The following CCSER1 variants were observed in gnomAD, a reference collection of about 807,000 sequenced individuals.
CCSER1 encodes the protein serine-rich coiled-coil domain-containing protein 1.
Under a neutral mutation model 82.0 loss-of-function variants are expected in CCSER1, and 41 were observed. The observed-to-expected ratio is 0.50, with a 90% CI of 0.39 to 0.65. CCSER1 has a LOEUF of 0.65. CCSER1 is among the 30% of genes least tolerant of loss of function. The probability of loss-of-function intolerance (pLI) is 0.00; values close to 1 mark genes in which losing one functional copy is unlikely to be tolerated. For synonymous variants in CCSER1, 414 were observed against 383.9 expected, an observed-to-expected ratio of 1.08 and a Z score of -0.92; for missense variants, 1,119 against 1,064.2, an observed-to-expected ratio of 1.05 and a Z score of -0.72.
chr4:90,558,971 G>A (rs1194535976), intron 5 of CCSER1, among the ~76,000 whole-genome samples: 2 of 152,112 alleles, frequency 1.3e-5, no homozygotes, highest in African/African-American at 4.8e-5. Flanking sequence ...AAAAACAAAT[G>A]TAGACAAGGT....
chr4:91,055,614 A>G (rs1007374272), intron 9 of CCSER1, among the ~76,000 whole-genome samples: 13 of 152,156 alleles, frequency 8.5e-5, no homozygotes, highest in Middle Eastern at 3.4e-3. Context: ...ATGTGTCTCA[A>G]TGTGTGCTTG....
At chr4:91,375,861 G>T (rs1484343364) in intron 10 of CCSER1, among the ~76,000 whole-genome samples, 3 of 151,788 alleles carry the variant, frequency 2.0e-5, no homozygotes, top group Non-Finnish European at 4.4e-5. Flanking sequence ...TAGAATTTTA[G>T]TATTTGATAA....
intron 9 of CCSER1, among the ~76,000 whole-genome samples, chr4:90,995,106 A>G (rs1339511657): frequency 6.6e-6 from 1 of 152,156 alleles, no homozygotes; most frequent in Non-Finnish European, 1.5e-5. Flanking sequence ...CATGAGGTAA[A>G]TGAATATTTA....
intron 1 of CCSER1, among the ~76,000 whole-genome samples, chr4:90,232,021 C>T (rs1744675804): frequency 2.0e-5 from 3 of 152,188 alleles, no homozygotes; most frequent in South Asian, 4.2e-4. Flanking sequence ...TAGGAAGAAT[C>T]AATATCTTGA....
chr4:90,403,120 G>A (rs894864374), intron 4 of CCSER1, among the ~76,000 whole-genome samples: 3 of 149,196 alleles, frequency 2.0e-5, no homozygotes, highest in East Asian at 1.9e-4. Context: ...CAGCAAACAC[G>A]TTTATATACT....
chr4:91,375,681 T>C (rs1750364781), intron 10 of CCSER1, among the ~76,000 whole-genome samples: 1 of 152,130 alleles, frequency 6.6e-6, no homozygotes, highest in African/African-American at 2.4e-5. Context: ...AAAGAATCCC[T>C]TTTACTTTAG....
chr4:91,068,316 G>T (rs1721055518), intron 9 of CCSER1, among the ~76,000 whole-genome samples: 1 of 152,162 alleles, frequency 6.6e-6, no homozygotes, highest in Admixed American at 6.5e-5. Context: ...TTAAGTTACA[G>T]TATGAGACAC....
intron 10 of CCSER1, among the ~76,000 whole-genome samples, chr4:91,412,624 G>A (rs973390740): frequency 5.9e-5 from 9 of 151,936 alleles, no homozygotes; most frequent in South Asian, 4.2e-4. Context: ...TAGACTCTGC[G>A]GCAGATTCAA....
intron 10 of CCSER1, among the ~76,000 whole-genome samples, chr4:91,178,796 G>A (rs907934733): frequency 2.6e-5 from 4 of 151,638 alleles, no homozygotes; most frequent in African/African-American, 9.7e-5. Flanking sequence ...AGGGCATTTA[G>A]TCCATTTAAG....
chr4:90,202,642 C>T (rs1300592327), intron 1 of CCSER1, among the ~76,000 whole-genome samples: 4 of 152,164 alleles, frequency 2.6e-5, no homozygotes, highest in African/African-American at 9.7e-5. Context: ...TGCTCTAATG[C>T]ATTTTGTATT....
chr4:90,756,317 TC>T (rs537386847), intron 7 of CCSER1, among the ~76,000 whole-genome samples: 1 of 152,308 alleles, frequency 6.6e-6, no homozygotes, highest in African/African-American at 2.4e-5. Context: ...AAATATCATC[TC>T]TATGGTTTGT....
intron 4 of CCSER1, among the ~76,000 whole-genome samples, chr4:90,422,632 C>T (rs1361033558): frequency 2.6e-5 from 4 of 151,758 alleles, no homozygotes; most frequent in Admixed American, 1.3e-4. Flanking sequence ...GTCATAGAGA[C>T]CCTGTTTCGA....
At chr4:91,480,655 A>T (rs17217008) in intron 10 of CCSER1, among the ~76,000 whole-genome samples, 16,679 of 152,290 alleles carry the variant, frequency 0.11, 1,037 homozygotes, top group Middle Eastern at 0.2. Context: ...TCCAAAGTAT[A>T]ACCGAGTAGC....
rs986055519 is a variant in CCSER1, at chr4:90,957,777, C to T, written c.2172+34330C>T. Among the ~76,000 whole-genome samples the T allele has an allele frequency of 6.7e-5, 10 of 149,300 alleles. No homozygotes were observed. The East Asian group carries it at 2.0e-3, about 29-fold the overall frequency. On this transcript the variant is annotated intron_variant, in intron 9 of 10. Transcript: ENST00000509176. ...GATTTGGATTTTTAAACTGAAATTTCCCCTGATGGAGAACGCTTGTTTATG... is the reference window on the plus strand; with the variant it reads ...GATTTGGATTTTTAAACTGAAATTTTCCCTGATGGAGAACGCTTGTTTATG...
chr4:91,008,733 T>G (rs1253608481), intron 9 of CCSER1, among the ~76,000 whole-genome samples: 1 of 152,246 alleles, frequency 6.6e-6, no homozygotes, highest in Non-Finnish European at 1.5e-5. Flanking sequence ...GAGTTACTAC[T>G]GATGTTACCG....
intron 5 of CCSER1, among the ~76,000 whole-genome samples, chr4:90,567,268 G>A (rs1046915577): frequency 1.3e-5 from 2 of 148,162 alleles, no homozygotes; most frequent in African/African-American, 5.0e-5. Flanking sequence ...TTTCCCATAG[G>A]TTTTGATATG....
At chr4:90,135,843 G>C (rs1211465382) in intron 1 of CCSER1, among the ~76,000 whole-genome samples, 2 of 152,102 alleles carry the variant, frequency 1.3e-5, no homozygotes, top group Non-Finnish European at 2.9e-5. Context: ...CCTCTTATTG[G>C]TATTATCTTA....
intron 10 of CCSER1, among the ~76,000 whole-genome samples, chr4:91,390,211 T>G (rs928711196): frequency 6.6e-6 from 1 of 151,994 alleles, no homozygotes; most frequent in Admixed American, 6.6e-5. Flanking sequence ...TCCTATTGCT[T>G]TTTTGATAAG....
intron 4 of CCSER1, among the ~76,000 whole-genome samples, chr4:90,406,876 A>G (rs992300079): frequency 2.6e-5 from 4 of 152,224 alleles, no homozygotes; most frequent in Non-Finnish European, 5.9e-5. Flanking sequence ...AGGAAAGTTC[A>G]TAGAATTAAA....
Sources: allele counts gnomAD v4.1 joint callset (sites outside exome capture counted in the v4.1 genomes callset), GRCh38; gene constraint gnomAD v4.1.1; transcripts MANE v1.5; gene names NCBI Gene and HGNC (gene_info 2026-07-23, HGNC 2026-07-21).